ARID3A: variants seen among roughly 807,000 people sequenced by gnomAD.
ARID3A encodes AT-rich interactive domain-containing protein 3A.
A neutral mutation model predicts 52.7 loss-of-function variants in ARID3A; 11 were observed. That is an observed-to-expected ratio of 0.21 (90% CI 0.13 to 0.35). The LOEUF is 0.35. ARID3A is among the 10% of genes least tolerant of loss of function. The probability of loss-of-function intolerance (pLI) is 1.00; values close to 1 mark genes in which losing one functional copy is unlikely to be tolerated. For missense variants in ARID3A, 721 were observed against 838.5 expected (o/e 0.86, Z 1.73); for synonymous variants, 404 against 359.4 (o/e 1.12, Z -1.40).
intron 3 of ARID3A, among the ~76,000 whole-genome samples, chr19:946,581 C>T (rs1316712584): frequency 6.6e-6 from 1 of 151,678 alleles, no homozygotes; most frequent in African/African-American, 2.4e-5. Flanking sequence ...GCTGGGACTA[C>T]AGGCGCCCGC....
chr19:957,222 C>G (rs1442422401), intron 3 of ARID3A, among the ~76,000 whole-genome samples: 1 of 152,184 alleles, frequency 6.6e-6, no homozygotes, highest in South Asian at 2.1e-4. Context: ...CCAGCCACCA[C>G]CCTGGCAGGC....
At chr19:936,025 T>C (rs901947496) in intron 3 of ARID3A, among the ~76,000 whole-genome samples, 4 of 141,862 alleles carry the variant, frequency 2.8e-5, no homozygotes, top group African/African-American at 8.0e-5. Flanking sequence ...CTCCTGACCT[T>C]GTGATCCGCC....
chr19:929,471 C>T lies in ARID3A; in HGVS notation c.-58C>T, dbSNP rs2037270239. 1.4e-6 allele frequency: 2 copies of T among 1,464,846 alleles called. No homozygotes were observed. The highest frequency in any genetic ancestry group is 1.5e-5 in the African/African-American group (1 of 67,172). 90.7% of individuals were successfully genotyped at this position (1,464,846 alleles called of 1,614,324 possible). A position where few individuals can be genotyped will look rare whatever the true frequency, so the allele number is the denominator to read the frequency against. On this transcript the variant is annotated 5_prime_UTR_variant, in exon 2 of 9. Coordinates refer to ENST00000263620, the MANE Select transcript of ARID3A (RefSeq NM_005224.3). This position sits in a 1 kb window ranked among gnomAD's most constrained non-coding sequence, Gnocchi z 6.2. ...CGCAGGGGCCGCCCCCGCCGCCCAC[C>T]CCTAGCGCCCGTGGTGGTGGTGGTG...
chr19:927,776 A>G (rs2145336298), intron 1 of ARID3A, among the ~76,000 whole-genome samples: 1 of 152,240 alleles, frequency 6.6e-6, no homozygotes, highest in Non-Finnish European at 1.5e-5. Flanking sequence ...TCTCCTGGTC[A>G]CAACCCAGCG....
intron 2 of ARID3A, among the ~76,000 whole-genome samples, chr19:931,866 G>A (rs1265873364): frequency 6.6e-6 from 1 of 151,972 alleles, no homozygotes; most frequent in Non-Finnish European, 1.5e-5. Flanking sequence ...GGAGGGTGCC[G>A]TGGAGGGGCA....
intron 3 of ARID3A, among the ~76,000 whole-genome samples, chr19:946,437 A>ATT (rs2037682667): frequency 1.1e-5 from 1 of 88,406 alleles, no homozygotes; most frequent in African/African-American, 4.9e-5. Context: ...AATTTTTTGA[A>ATT]TCTTTTTTTT....
In ARID3A at chr19:964,809, C is replaced by CCT. The variant is rs1272088743; in HGVS notation, c.951-21_951-20dup. ...GCCGTAGGGGTGACCCGGGTGCCAT[C>CCT]CTCTTCCCTCGTCCCACCCACAGAT... On this transcript the variant is annotated intron_variant, in intron 5 of 8. Coordinates refer to ENST00000263620, the MANE Select transcript of ARID3A (RefSeq NM_005224.3). The surrounding 1 kb of genome is among the most constrained non-coding windows in gnomAD (Gnocchi z 5.7). The CCT allele has an allele frequency of 6.2e-7, 1 of 1,605,038 alleles. No individual in the cohort carries two copies. Among genetic ancestry groups the CCT allele is most frequent in the Admixed American group, 1.7e-5 (1 of 59,696 alleles).
chr19:948,780 G>A (rs908673852), intron 3 of ARID3A, among the ~76,000 whole-genome samples: 2 of 143,584 alleles, frequency 1.4e-5, no homozygotes, highest in African/African-American at 5.1e-5. Context: ...CACGATCTCA[G>A]CTCACTGCAA....
At chr19:963,889 A>G (rs1293792464) in intron 4 of ARID3A, among the ~76,000 whole-genome samples, 1 of 152,204 alleles carries the variant, frequency 6.6e-6, no homozygotes, top group East Asian at 1.9e-4. Flanking sequence ...GAACATAGGC[A>G]GAGTTGTTTT....
At chr19:939,635 G>T (rs551400592) in intron 3 of ARID3A, among the ~76,000 whole-genome samples, 2 of 152,076 alleles carry the variant, frequency 1.3e-5, no homozygotes, top group South Asian at 4.1e-4. Flanking sequence ...TCCTCCCGCC[G>T]CTGCCTTCGA....
chr19:929,641 G>A lies in ARID3A; in HGVS notation c.113G>A (p.Arg38Gln), dbSNP rs757309861. The change falls in exon 2 of 9, where the codon CGG (arginine) becomes CAG (glutamine). Residue 38 changes from arginine (R) to glutamine (Q), a missense_variant. This residue lies in a region of ARID3A where 349 missense variants were observed against 297.3 expected (regional missense o/e 1.17). Transcript: ENST00000263620. This position sits in a 1 kb window ranked among gnomAD's most constrained non-coding sequence, Gnocchi z 6.2. ...PPDPPAAPPG[R>Q]ARAAPDEDRE... ...GATCCCCCTGCTGCACCCCCCGGCC[G>A]GGCCCGGGCTGCCCCCGACGAGGAC... 4.1e-5 allele frequency: 62 copies of A among 1,530,216 alleles called. No individual in the cohort carries two copies. In the African/African-American group the frequency reaches 6.4e-4, roughly 16 times the overall value. 94.8% of individuals were successfully genotyped at this position (1,530,216 alleles called of 1,614,324 possible).
intron 2 of ARID3A, among the ~76,000 whole-genome samples, chr19:931,792 G>C (rs987607662): frequency 4.8e-5 from 7 of 147,352 alleles, no homozygotes; most frequent in African/African-American, 1.7e-4. Flanking sequence ...CAGCCTGGAC[G>C]ACAGAGCGAG....
At chr19:933,725 G>T (rs1250905873) in intron 3 of ARID3A, among the ~76,000 whole-genome samples, 1 of 151,922 alleles carries the variant, frequency 6.6e-6, no homozygotes, top group Non-Finnish European at 1.5e-5. Flanking sequence ...TTAAGGGGCG[G>T]CCCTAACCCC....
chr19:974,060 G>A lies in ARID3A; in HGVS notation c.*1995G>A, dbSNP rs919801242. On this transcript the variant is annotated 3_prime_UTR_variant, in exon 9 of 9. Coordinates refer to ENST00000263620, the MANE Select transcript of ARID3A (RefSeq NM_005224.3). ...GCCCTGGGAGCCCTGTTAGGCCACCGGCATGGGGGCTTGGTGAGGAAGGGG... is the reference window on the plus strand; with the variant it reads ...GCCCTGGGAGCCCTGTTAGGCCACCAGCATGGGGGCTTGGTGAGGAAGGGG... 3 of 226,822 alleles carry A rather than the reference G, an allele frequency of 1.3e-5. No homozygotes were observed. Among genetic ancestry groups the A allele is most frequent in the Middle Eastern group, 1.3e-3 (1 of 784 alleles). The allele number at this position is 226,822 out of a possible 1,614,324, so 14.1% of individuals were successfully genotyped here. A position where few individuals can be genotyped will look rare whatever the true frequency, so the allele number is the denominator to read the frequency against.
rs1443389613 is a variant in ARID3A, at chr19:929,555, G to A, written c.27G>A (p.Thr9=). MKLQAVME[T]LLQRQQRARQ... is the part of the protein sequence containing the mutation. The stretch of plus-strand genomic sequence containing the variant: ...TGAAACTACAGGCCGTGATGGAGAC[G>A]CTGTTGCAGCGGCAGCAGCGGGCGC... Residue 9 remains threonine, a synonymous_variant, in exon 2 of 9, where the codon ACG becomes ACA. Transcript: ENST00000263620. The surrounding 1 kb of genome is among the most constrained non-coding windows in gnomAD (Gnocchi z 6.2). The A allele has an allele frequency of 2.4e-5, 36 of 1,521,444 alleles. No homozygotes were observed. Among genetic ancestry groups the A allele is most frequent in the African/African-American group, 7.0e-5 (5 of 71,040 alleles). 94.2% of individuals were successfully genotyped at this position (1,521,444 alleles called of 1,614,324 possible). A position where few individuals can be genotyped will look rare whatever the true frequency, so the allele number is the denominator to read the frequency against.
rs546703769 is a variant in ARID3A at position 944,668 on chromosome 19, C to T, written c.693+11926C>T. ...TGAGACAGGGTCTCGTGCTGTCACCCAGGCTGGAGTGCCGCGGTGCAGTCA... is the reference window on the plus strand; with the variant it reads ...TGAGACAGGGTCTCGTGCTGTCACCTAGGCTGGAGTGCCGCGGTGCAGTCA... On this transcript the variant is annotated intron_variant, in intron 3 of 8. Coordinates refer to ENST00000263620, the MANE Select transcript of ARID3A (RefSeq NM_005224.3). The surrounding 1 kb of genome is among the most constrained non-coding windows in gnomAD (Gnocchi z 5.9). Among the ~76,000 whole-genome samples, 1 of 152,312 alleles carries T rather than the reference C, an allele frequency of 6.6e-6. No individual in the cohort carries two copies. Among genetic ancestry groups the T allele is most frequent in the South Asian group, 2.1e-4 (1 of 4,826 alleles).
intron 4 of ARID3A, among the ~76,000 whole-genome samples, chr19:962,309 G>A (rs568113147): frequency 6.2e-4 from 95 of 152,180 alleles, no homozygotes; most frequent in Non-Finnish European, 7.1e-4. Context: ...TAGAAGTGAG[G>A]GAGGGGTCCT....
intron 3 of ARID3A, among the ~76,000 whole-genome samples, chr19:933,314 C>T (rs1453661349): frequency 6.6e-6 from 1 of 152,160 alleles, no homozygotes; most frequent in African/African-American, 2.4e-5. Flanking sequence ...CTCAGGGACC[C>T]CAGGCTGAAG....
chr19:945,307 T>A (rs1267835424), intron 3 of ARID3A, among the ~76,000 whole-genome samples: 1 of 152,228 alleles, frequency 6.6e-6, no homozygotes, highest in Non-Finnish European at 1.5e-5. Flanking sequence ...CTTGTGACTT[T>A]GTTTTCATCC....
Sources: allele counts gnomAD v4.1 joint callset (sites outside exome capture counted in the v4.1 genomes callset), GRCh38; gene constraint gnomAD v4.1.1; regional missense constraint gnomAD v4.1.1; non-coding constraint Gnocchi (gnomAD v3.1); transcripts MANE v1.5; gene names NCBI Gene and HGNC (gene_info 2026-07-23, HGNC 2026-07-21).